The following GOLGB1 variants were observed in gnomAD, a reference collection of about 807,000 sequenced individuals.
The protein encoded by GOLGB1 is golgin subfamily B member 1.
A neutral mutation model predicts 336.9 loss-of-function variants in GOLGB1; 174 were observed. The observed-to-expected ratio is 0.52, with a 90% CI of 0.46 to 0.59. The LOEUF is 0.59. Among genes scored for constraint, GOLGB1 ranks in the 20% least tolerant of loss-of-function variants. GOLGB1 has a pLI of 0.00. For synonymous variants in GOLGB1, 1,208 were observed against 1,289.2 expected, an observed-to-expected ratio of 0.94 and a Z score of 1.35; for missense variants, 3,331 against 3,645.3, an observed-to-expected ratio of 0.91 and a Z score of 2.22.
intron 1 of GOLGB1, among the ~76,000 whole-genome samples, chr3:121,744,843 C>T (rs1198217057): frequency 1.3e-5 from 2 of 152,026 alleles, no homozygotes; most frequent in African/African-American, 2.4e-5. Flanking sequence ...TCTCAGAGAT[C>T]CACAGGAAAG....
intron 12 of GOLGB1, 84 bp from the exon 13 acceptor site, chr3:121,699,013 T>C (rs1194280554): frequency 1.9e-6 from 2 of 1,059,756 alleles, no homozygotes; most frequent in Non-Finnish European, 2.7e-6. Context: ...TTGTATTTCA[T>C]CTTCTAAAAC....
intron 14 of GOLGB1, among the ~76,000 whole-genome samples, chr3:121,684,099 G>C (rs1455838534): frequency 8.1e-6 from 1 of 123,492 alleles, no homozygotes; most frequent in Non-Finnish European, 1.6e-5. Flanking sequence ...TTGCACTCCA[G>C]CCTGGATGAC....
intron 5 of GOLGB1, among the ~76,000 whole-genome samples, chr3:121,725,676 G>A (rs950241290): frequency 7.9e-5 from 12 of 152,250 alleles, no homozygotes; most frequent in South Asian, 6.2e-4. Context: ...CAAAACTCAC[G>A]TTGAAACTGA....
intron 15 of GOLGB1, among the ~76,000 whole-genome samples, chr3:121,679,184 CA>C (rs1213187668): frequency 6.6e-6 from 1 of 152,074 alleles, no homozygotes; most frequent in Non-Finnish European, 1.5e-5. Context: ...CTTCAAAATC[CA>C]AAACTTTTTG....
chr3:121,693,317 T>A (rs1025639927), intron 13 of GOLGB1, among the ~76,000 whole-genome samples: 1 of 152,102 alleles, frequency 6.6e-6, no homozygotes, highest in East Asian at 1.9e-4. Context: ...TGAAACCCCC[T>A]CTCTACTAAA....
intron 1 of GOLGB1, among the ~76,000 whole-genome samples, chr3:121,746,770 G>A (rs1361375037): frequency 6.6e-6 from 1 of 152,122 alleles, no homozygotes; most frequent in Non-Finnish European, 1.5e-5. Context: ...ATGAGCCACT[G>A]CGCCCGGCCT....
intron 20 of GOLGB1, among the ~76,000 whole-genome samples, chr3:121,666,945 T>G (rs796086248): frequency 5.9e-5 from 9 of 152,336 alleles, no homozygotes; most frequent in African/African-American, 2.2e-4. Context: ...CCAATACTCT[T>G]GTTTGGCAAG....
intron 20 of GOLGB1, among the ~76,000 whole-genome samples, chr3:121,665,667 C>G (rs1329617420): frequency 6.6e-6 from 1 of 152,224 alleles, no homozygotes; most frequent in African/African-American, 2.4e-5. Context: ...GCTGCCATTA[C>G]TCACTCAATG....
In GOLGB1 at chr3:121,747,295, GTGTATATATGTATATA is replaced by G. The variant is rs1215293021; in HGVS notation, c.-3+2321_-3+2336del. On this transcript the variant is annotated intron_variant, in intron 1 of 21. Transcript: ENST00000614479. ...TATATATGTATATATGTATATATAT[GTGTATATATGTATATA>G]TGTATATATGTGTATATACGTATAT... Among the ~76,000 whole-genome samples the G allele has an allele frequency of 6.4e-5, 9 of 140,636 alleles. No individual in the cohort carries two copies. The East Asian group carries it at 1.8e-3, about 28-fold the overall frequency. The allele number at this position is 140,636 out of a possible 152,430, so 92.3% of individuals were successfully genotyped here. A position where few individuals can be genotyped will look rare whatever the true frequency, so the allele number is the denominator to read the frequency against.
intron 13 of GOLGB1, 68 bp downstream of exon 13, chr3:121,693,673 G>A (rs1942673746): frequency 1.8e-6 from 2 of 1,139,966 alleles, no homozygotes; most frequent in South Asian, 1.5e-5. Flanking sequence ...AAAGGAAACA[G>A]AAATAGTTTA....
In GOLGB1 at chr3:121,695,897, G is replaced by A; in HGVS notation, c.4626C>T (p.Val1542=). 1.2e-6 allele frequency: 2 copies of A among 1,613,576 alleles called. No homozygotes were observed. The highest frequency in any genetic ancestry group is 1.7e-6 in the Non-Finnish European group (2 of 1,179,830). ...VSAQNKEKDT[V]LGRLALLQEE... ...CTTGAAGAAGAGCTAACCTTCCTAA[G>A]ACCGTATCTTTTTCTTTATTTTGAG... The change falls in exon 13 of 22, where the codon GTC becomes GTT. Residue 1542 remains valine (V), a synonymous_variant. Transcript: ENST00000614479.
At position 121,698,080 on chromosome 3, in the gene GOLGB1, C is replaced by G. The variant is rs144879291; in HGVS notation, c.2443G>C (p.Val815Leu). 1 of 1,613,922 alleles carries G rather than the reference C, an allele frequency of 6.2e-7. No homozygotes were observed. ...TCATTCTGTAAAACTTCAATTTTCA[C>G]ATCTTTAGATTTGGCTTCTATGCTG... ...SLSIEAKSKD[V>L]KIEVLQNELD... Residue 815 changes from valine to leucine, a missense_variant, in exon 13 of 22, where the codon GTG becomes CTG. Val to Leu is a conservative substitution (Grantham distance 32). Transcript: ENST00000614479.
intron 15 of GOLGB1, among the ~76,000 whole-genome samples, chr3:121,680,743 C>A (rs563935210): frequency 6.6e-6 from 1 of 151,940 alleles, no homozygotes; most frequent in African/African-American, 2.4e-5. Flanking sequence ...ATTTGCAAAC[C>A]GCAAATCAAA....
chr3:121,687,344 C>T (rs1184441820), intron 14 of GOLGB1, among the ~76,000 whole-genome samples: 1 of 152,114 alleles, frequency 6.6e-6, no homozygotes, highest in Non-Finnish European at 1.5e-5. Flanking sequence ...AGAGATAGTA[C>T]AACTTTTAAA....
Position 121,749,722 on chromosome 3 carries a change from C to T in GOLGB1, c.-93G>A, listed in dbSNP as rs1193888838. On this transcript the variant is annotated 5_prime_UTR_variant, in exon 1 of 22. Coordinates refer to ENST00000614479, the MANE Select transcript of GOLGB1 (RefSeq NM_001366282.2). ...AGCCCGTACGCGACACCTTCCACCG[C>T]CGCGCCCCGCCAGGGACTCAGCCAC... 1 of 152,578 alleles carries T rather than the reference C, an allele frequency of 6.6e-6. No individual in the cohort carries two copies. The highest frequency in any genetic ancestry group is 1.5e-5 in the Non-Finnish European group (1 of 68,334). The allele number at this position is 152,578 out of a possible 1,614,324, so 9.5% of individuals were successfully genotyped here. A position where few individuals can be genotyped will look rare whatever the true frequency, so the allele number is the denominator to read the frequency against.
At chr3:121,707,433 C>G (rs982203667) in intron 10 of GOLGB1, among the ~76,000 whole-genome samples, 2 of 150,446 alleles carry the variant, frequency 1.3e-5, no homozygotes, top group Non-Finnish European at 3.0e-5. Flanking sequence ...ACCAGCCAGC[C>G]TAGGTAACTT....
chr3:121,699,817 T>G lies in GOLGB1; in HGVS notation c.1588A>C (p.Ser530Arg). 1 of 1,588,636 alleles carries G rather than the reference T, an allele frequency of 6.3e-7. No homozygotes were observed. Among genetic ancestry groups the G allele is most frequent in the Non-Finnish European group, 8.6e-7 (1 of 1,157,884 alleles). The change falls in exon 12 of 22, where the codon AGT (serine) becomes CGT (arginine). Residue 530 changes from serine to arginine, a missense_variant. By Grantham distance (110) the Ser-to-Arg change is moderately radical. Transcript: ENST00000614479. ...ATTAAGAACACATCACTTACCTCAC[T>G]GACTTCTCTGTCTGCCTCCCCAGTT... ...NRTGEADREV[S>R]EISIVDIANK...
chr3:121,691,611 C>G lies in GOLGB1; in HGVS notation c.7753G>C (p.Glu2585Gln). 1.9e-6 allele frequency: 3 copies of G among 1,613,672 alleles called. No homozygotes were observed. The highest frequency in any genetic ancestry group is 2.5e-6 in the Non-Finnish European group (3 of 1,179,822). ...AKLEEKLKES[E>Q]EANEDLRRSF... ...CTCCGCAGATCCTCATTTGCTTCCT[C>G]AGATTCCTTCAGCTTTTCTTCTAAT... is the stretch of plus-strand genomic sequence containing the variant. The change falls in exon 14 of 22, where the codon GAG becomes CAG. Residue 2585 changes from glutamate (E) to glutamine (Q), a missense_variant. Coordinates refer to ENST00000614479, the MANE Select transcript of GOLGB1 (RefSeq NM_001366282.2).
chr3:121,706,157 A>T (rs1943800862), intron 10 of GOLGB1, among the ~76,000 whole-genome samples: 1 of 152,110 alleles, frequency 6.6e-6, no homozygotes, highest in African/African-American at 2.4e-5. Flanking sequence ...AAAAAATTAA[A>T]AGCCCATTAA....
Sources: allele counts gnomAD v4.1 joint callset (sites outside exome capture counted in the v4.1 genomes callset), GRCh38; gene constraint gnomAD v4.1.1; transcripts MANE v1.5; gene names NCBI Gene and HGNC (gene_info 2026-07-23, HGNC 2026-07-21).